Variants in VPS28 observed in about 807,000 individuals in gnomAD.
VPS28 encodes vacuolar protein sorting-associated protein 28 homolog.
VPS28 carries 29 observed loss-of-function variants against 33.7 expected under a neutral mutation model. The observed-to-expected ratio is 0.86, with a 90% CI of 0.64 to 1.17. The LOEUF (loss-of-function observed/expected upper bound fraction) is 1.17, where lower values mean the gene tolerates loss of function less well. VPS28 is among the 50% of genes most tolerant of loss of function. VPS28 has a pLI of 0.00. For synonymous variants in VPS28, 164 were observed against 116.7 expected, an observed-to-expected ratio of 1.40 and a Z score of -2.61; for missense variants, 247 against 312.2, an observed-to-expected ratio of 0.79 and a Z score of 1.57.
intron 7 of VPS28, 145 bp downstream of exon 7, chr8:144,424,573 C>A: frequency 1.0e-6 from 1 of 955,834 alleles, no homozygotes; most frequent in Non-Finnish European, 1.6e-6. Flanking sequence ...GCTGCCCACC[C>A]CTCATTCCTA....
chr8:144,425,226 G>A (rs1440051357), intron 5 of VPS28, 175 bp from the exon 6 acceptor site: 6 of 621,562 alleles, frequency 9.7e-6, no homozygotes, highest in South Asian at 3.9e-5. Flanking sequence ...CCCTGAGCAC[G>A]TAGTGGGGCT....
intron 1 of VPS28, among the ~76,000 whole-genome samples, chr8:144,428,167 G>A (rs2291130): frequency 0.51 from 78,080 of 152,038 alleles, 20,209 homozygotes; most frequent in Middle Eastern, 0.63. Flanking sequence ...TGCGAGCCGC[G>A]GGGTGGGGAC....
At chr8:144,425,163 C>G in intron 5 of VPS28, 112 bp from the exon 6 acceptor site, 1 of 929,554 alleles carries the variant, frequency 1.1e-6, no homozygotes, top group South Asian at 1.5e-5. Flanking sequence ...AGGCGACAGG[C>G]AAAGGCAGGC....
rs566217863 is a variant in VPS28, at chr8:144,424,950, A to G, written c.296T>C (p.Phe99Ser). The G allele has an allele frequency of 2.5e-6, 4 of 1,578,612 alleles. No individual in the cohort carries two copies. The African/African-American group carries it at 5.4e-5, about 21-fold the overall frequency. ...ISSIDEFCRK[F>S]RLDCPLAMER... ...GTGGAAGGACCAGGCACTCACGCGG[A>G]ACTTGCGGCAGAATTCGTCAATAGA... Residue 99 changes from phenylalanine to serine, a missense_variant, in exon 6 of 10, where the codon TTC becomes TCC. This residue lies in a region of VPS28 where 149 missense variants were observed against 172.8 expected (regional missense o/e 0.86). Coordinates refer to ENST00000292510, the MANE Select transcript of VPS28 (RefSeq NM_016208.4).
chr8:144,424,345 C>T, intron 7 of VPS28, 77 bp from the exon 8 acceptor site: 1 of 1,509,536 alleles, frequency 6.6e-7, no homozygotes, highest in Non-Finnish European at 8.9e-7. Flanking sequence ...CCCAACCCCT[C>T]CTCAGCCACA....
chr8:144,425,359 A>G (rs1822660202), intron 5 of VPS28: 1 of 527,786 alleles, frequency 1.9e-6, no homozygotes, highest in Non-Finnish European at 3.4e-6. Flanking sequence ...GTGGCCTGTG[A>G]CGGTCTTGTC....
intron 5 of VPS28, 52 bp from the exon 6 acceptor site, chr8:144,425,103 A>C (rs1554876391): frequency 1.6e-4 from 236 of 1,492,464 alleles, no homozygotes; most frequent in Non-Finnish European, 2.0e-4. Flanking sequence ...CACCCAGCTC[A>C]TCCTACCCCC....
At chr8:144,424,417 C>T (rs1295451744) in intron 7 of VPS28, 149 bp from the exon 8 acceptor site, 18 of 1,094,806 alleles carry the variant, frequency 1.6e-5, no homozygotes, top group African/African-American at 4.8e-5. Context: ...CCTGGGTGAA[C>T]GAGGTCCTGG....
intron 2 of VPS28, 71 bp downstream of exon 2, chr8:144,426,838 C>T: frequency 3.2e-6 from 5 of 1,576,808 alleles, no homozygotes; most frequent in South Asian, 1.1e-5. Flanking sequence ...CCCCCGATCC[C>T]CAATACCCAA....
Position 144,424,239 on chromosome 8 carries a change from A to G in VPS28, c.432T>C (p.Arg144=), listed in dbSNP as rs2928378. ...CCTCATCCATGGCGCGGATCTCCAG[A>G]CGCAGCTTGTCCATGACCGTGATGA... ...SLFITVMDKL[R]LEIRAMDEIQ... The change falls in exon 8 of 10, where the codon CGT becomes CGC. Residue 144 remains arginine, a synonymous_variant. Transcript: ENST00000292510. 1 allele frequency: 1,600,541 copies of G among 1,606,404 alleles called. 797,545 individuals carry two copies. The highest frequency in any genetic ancestry group is 1 in the East Asian group (44,700 of 44,700).
In VPS28 at chr8:144,425,758, G is replaced by A; in HGVS notation, c.119C>T (p.Ala40Val). 2 of 1,613,932 alleles carry A rather than the reference G, an allele frequency of 1.2e-6. No homozygotes were observed. The highest frequency in any genetic ancestry group is 1.7e-6 in the Non-Finnish European group (2 of 1,179,932). The change falls in exon 5 of 10, where the codon GCA (alanine) becomes GTA (valine). Residue 40 changes from alanine to valine, a missense_variant. By Grantham distance (64) the Ala-to-Val change is moderately conservative. Coordinates refer to ENST00000292510, the MANE Select transcript of VPS28 (RefSeq NM_016208.4). ...TGTCTTCACCACCGCAAACAGCTCT[G>A]CCATGTTGTCGTACCTGAGGACACA... ...AREREKYDNM[A>V]ELFAVVKTMQ... is the part of the protein sequence containing the mutation.
At chr8:144,425,246 G>A (rs1171377086) in intron 5 of VPS28, 195 bp from the exon 6 acceptor site, 20 of 605,802 alleles carry the variant, frequency 3.3e-5, no homozygotes, top group Non-Finnish European at 5.8e-5. Context: ...TTGTAGCTCG[G>A]CTCCAGGTGG....
intron 7 of VPS28, 43 bp downstream of exon 7, chr8:144,424,675 G>C: frequency 6.3e-7 from 1 of 1,597,340 alleles, no homozygotes; most frequent in East Asian, 2.2e-5. Context: ...GCAGCAGGCA[G>C]CCTCGGCTCT....
Position 144,424,784 on chromosome 8 carries a change from C to T in VPS28, c.336G>A (p.Glu112=), listed in dbSNP as rs1554876239. The T allele has an allele frequency of 1.9e-6, 3 of 1,613,840 alleles. No homozygotes were observed. The East Asian group carries it at 6.7e-5, about 36-fold the overall frequency. Residue 112 remains glutamate, a synonymous_variant, in exon 7 of 10, where the codon GAG becomes GAA. Coordinates refer to ENST00000292510, the MANE Select transcript of VPS28 (RefSeq NM_016208.4). ...CGTCCTTGATGGTGATGGGCCGGTC[C>T]TCCTTGATCCGCTCCATGGCCAGCG... ...DCPLAMERIK[E]DRPITIKDDK... is the part of the protein sequence containing the mutation.
At chr8:144,424,597 C>G in intron 7 of VPS28, 121 bp downstream of exon 7, 2 of 1,141,768 alleles carry the variant, frequency 1.8e-6, no homozygotes, top group South Asian at 2.7e-5. Flanking sequence ...AAAGGGGTTC[C>G]CTTCTGCCCA....
intron 2 of VPS28, 189 bp from the exon 3 acceptor site, chr8:144,426,397 C>T: frequency 1.4e-6 from 1 of 723,686 alleles, no homozygotes. Context: ...GATGATAACA[C>T]CTCTGAGAAG....
At position 144,426,874 on chromosome 8, in the gene VPS28, C is replaced by T. The variant is rs781944657; in HGVS notation, c.37+35G>A. On this transcript the variant is annotated intron_variant, in intron 2 of 9. Transcript: ENST00000292510. ...TACTGCCCGTCAGCCCCTGCAGAAGCGGCTGAAAGCCTGCGCCCTTCCAGC... is the reference window on the plus strand; with the variant it reads ...TACTGCCCGTCAGCCCCTGCAGAAGTGGCTGAAAGCCTGCGCCCTTCCAGC... 15 of 1,609,874 alleles carry T rather than the reference C, an allele frequency of 9.3e-6. 1 individual carries two copies. In the South Asian group the frequency reaches 9.9e-5, roughly 11 times the overall value.
intron 1 of VPS28, among the ~76,000 whole-genome samples, chr8:144,427,976 G>T (rs1292407024): frequency 6.6e-6 from 1 of 152,100 alleles, no homozygotes; most frequent in Non-Finnish European, 1.5e-5. Context: ...CGGGAGAGCA[G>T]CGCTGAGCCG....
intron 5 of VPS28, chr8:144,425,404 G>T (rs1822662686): frequency 1.7e-6 from 1 of 572,208 alleles, no homozygotes; most frequent in African/African-American, 1.9e-5. Flanking sequence ...AAAGATCCTG[G>T]GACATCCCCA....
Sources: allele counts gnomAD v4.1 joint callset (sites outside exome capture counted in the v4.1 genomes callset), GRCh38; gene constraint gnomAD v4.1.1; regional missense constraint gnomAD v4.1.1; transcripts MANE v1.5; gene names NCBI Gene and HGNC (gene_info 2026-07-23, HGNC 2026-07-21).